METTL15: variants seen among roughly 807,000 people sequenced by gnomAD.
METTL15 encodes the protein 12S rRNA N(4)-cytidine methyltransferase METTL15.
METTL15 carries 34 observed loss-of-function variants against 38.3 expected under a neutral mutation model. That is an observed-to-expected ratio of 0.89 (90% CI 0.68 to 1.18). METTL15 has a LOEUF of 1.18. Ranked by LOEUF, METTL15 falls within the 50% of genes most tolerant of loss-of-function variation. The probability of loss-of-function intolerance (pLI) is 0.00; values close to 1 mark genes in which losing one functional copy is unlikely to be tolerated. For synonymous variants in METTL15, 162 were observed against 170.9 expected (o/e 0.95, Z 0.41); for missense variants, 438 against 498.4 (o/e 0.88, Z 1.15).
chr11:28,397,080 A>G (rs1850578159), intron 5 of METTL15, among the ~76,000 whole-genome samples: 1 of 152,208 alleles, frequency 6.6e-6, no homozygotes, highest in South Asian at 2.1e-4. Context: ...CACTTTATAC[A>G]AAAATTAATT....
chr11:28,208,095 A>G (rs190282639), intron 3 of METTL15, among the ~76,000 whole-genome samples: 90 of 151,876 alleles, frequency 5.9e-4, no homozygotes, highest in African/African-American at 2.0e-3. Flanking sequence ...AGGGTTTTTT[A>G]TGTCTCTATT....
intron 6 of METTL15, among the ~76,000 whole-genome samples, chr11:28,476,978 G>A (rs1388947192): frequency 1.3e-5 from 2 of 152,120 alleles, no homozygotes; most frequent in African/African-American, 4.8e-5. Context: ...AATTGAGAAT[G>A]GGGTTGAAAA....
intron 6 of METTL15, among the ~76,000 whole-genome samples, chr11:28,310,965 G>GTGGGT (rs1565244523): frequency 1.0e-4 from 8 of 77,514 alleles, no homozygotes; most frequent in African/African-American, 3.0e-4. Flanking sequence ...GGTGGTGGTG[G>GTGGGT]GTGTGTGTGT....
chr11:28,122,006 A>C (rs898667139), intron 3 of METTL15: 1 of 457,512 alleles, frequency 2.2e-6, no homozygotes, highest in Non-Finnish European at 3.1e-6. Context: ...TTAAATGTTG[A>C]ATTCTTATAT....
intron 3 of METTL15, among the ~76,000 whole-genome samples, chr11:28,169,862 A>G (rs895505242): frequency 2.6e-5 from 4 of 152,114 alleles, no homozygotes; most frequent in African/African-American, 9.7e-5. Flanking sequence ...GAGTGTTGTT[A>G]TTTTAAATAA....
intron 3 of METTL15, among the ~76,000 whole-genome samples, chr11:28,156,780 T>C (rs1009581909): frequency 1.3e-5 from 2 of 152,182 alleles, no homozygotes; most frequent in African/African-American, 2.4e-5. Flanking sequence ...GAAAAACTTA[T>C]AAATGATAAT....
intron 5 of METTL15, 146 bp from the exon 6 acceptor site, chr11:28,296,603 ATTTG>A: frequency 2.9e-6 from 2 of 691,980 alleles, no homozygotes; most frequent in South Asian, 2.3e-5. Flanking sequence ...AGTCTATTTC[ATTTG>A]TTTAAGGTTT....
intron 4 of METTL15, among the ~76,000 whole-genome samples, chr11:28,283,677 A>ATAAT (rs1856143047): frequency 6.6e-6 from 1 of 152,174 alleles, no homozygotes; most frequent in Admixed American, 6.5e-5. Context: ...TACTTATTAC[A>ATAAT]GTCAGAGAAC....
chr11:28,322,233 A>G (rs763947634), intron 6 of METTL15, among the ~76,000 whole-genome samples: 3 of 152,076 alleles, frequency 2.0e-5, no homozygotes, highest in Non-Finnish European at 4.4e-5. Context: ...GACATTTACA[A>G]ATGTTCAGGA....
chr11:28,462,429 A>G (rs1023875060), intron 6 of METTL15, among the ~76,000 whole-genome samples: 7 of 151,698 alleles, frequency 4.6e-5, no homozygotes, highest in African/African-American at 1.7e-4. Context: ...AACTGAAGAA[A>G]TAGGCCAACC....
chr11:28,212,788 TAAG>T (rs1218643877), intron 4 of METTL15, among the ~76,000 whole-genome samples: 2 of 152,154 alleles, frequency 1.3e-5, no homozygotes, highest in East Asian at 1.9e-4. Flanking sequence ...AATCCACAGA[TAAG>T]GAGGGCCAGT....
chr11:28,205,403 A>AT (rs1852289319), intron 3 of METTL15, among the ~76,000 whole-genome samples: 1 of 152,008 alleles, frequency 6.6e-6, no homozygotes, highest in African/African-American at 2.4e-5. Context: ...GATAATTTCC[A>AT]ATTTCATCCA....
chr11:28,275,936 G>A (rs1412836478), intron 4 of METTL15, among the ~76,000 whole-genome samples: 1 of 152,048 alleles, frequency 6.6e-6, no homozygotes, highest in Non-Finnish European at 1.5e-5. Context: ...AGGCATAGAA[G>A]GAACATTCCT....
intron 3 of METTL15, among the ~76,000 whole-genome samples, chr11:28,173,005 T>G (rs572327863): frequency 7.2e-5 from 11 of 152,324 alleles, no homozygotes; most frequent in Middle Eastern, 3.4e-3. Flanking sequence ...TCTTAAAGAC[T>G]TAACGAAACT....
intron 6 of METTL15, among the ~76,000 whole-genome samples, chr11:28,510,915 T>A (rs1041529450): frequency 6.6e-6 from 1 of 152,112 alleles, no homozygotes; most frequent in Non-Finnish European, 1.5e-5. Context: ...AATTTGGAAA[T>A]GACAAGTTGG....
At chr11:28,142,898 T>C (rs1849747794) in intron 3 of METTL15, among the ~76,000 whole-genome samples, 1 of 152,030 alleles carries the variant, frequency 6.6e-6, no homozygotes, top group African/African-American at 2.4e-5. Context: ...GGAGACCAGT[T>C]AGAAAGCAAT....
chr11:28,382,408 G>C (rs1383246246), intron 5 of METTL15, among the ~76,000 whole-genome samples: 1 of 152,084 alleles, frequency 6.6e-6, no homozygotes, highest in Non-Finnish European at 1.5e-5. Flanking sequence ...GGTATCCCAT[G>C]AAAAAACCCA....
At chr11:28,348,333 G>A (rs1020688549) in intron 3 of METTL15, among the ~76,000 whole-genome samples, 6 of 152,134 alleles carry the variant, frequency 3.9e-5, no homozygotes, top group Admixed American at 6.6e-5. Flanking sequence ...GCTTTCTGCT[G>A]TAAGGAAGAG....
intron 4 of METTL15, among the ~76,000 whole-genome samples, chr11:28,232,662 T>A (rs962052295): frequency 1.2e-4 from 19 of 152,090 alleles, no homozygotes; most frequent in African/African-American, 3.6e-4. Flanking sequence ...GTGCAATGTG[T>A]AGGCCCAGCA....
Sources: allele counts gnomAD v4.1 joint callset (sites outside exome capture counted in the v4.1 genomes callset), GRCh38; gene constraint gnomAD v4.1.1; transcripts MANE v1.5; gene names NCBI Gene and HGNC (gene_info 2026-07-23, HGNC 2026-07-21).